The following CNBD2 variants were observed in gnomAD, a reference collection of about 807,000 sequenced individuals.
CNBD2 encodes cyclic nucleotide-binding domain-containing protein 2.
Under a neutral mutation model 63.7 loss-of-function variants are expected in CNBD2, and 64 were observed. The ratio of observed to expected loss-of-function variants is 1.00; its 90% CI spans 0.82 to 1.24. The LOEUF is 1.24. CNBD2 is among the 50% of genes most tolerant of loss of function. The probability of loss-of-function intolerance (pLI) is 0.00; values close to 1 mark genes in which losing one functional copy is unlikely to be tolerated. For missense variants in CNBD2, 691 were observed against 713.5 expected, an observed-to-expected ratio of 0.97 and a Z score of 0.36; for synonymous variants, 229 against 255.4, an observed-to-expected ratio of 0.90 and a Z score of 0.99.
intron 8 of CNBD2, among the ~76,000 whole-genome samples, chr20:36,001,770 C>T (rs1156275399): frequency 3.4e-5 from 5 of 146,130 alleles, no homozygotes; most frequent in African/African-American, 1.3e-4. Flanking sequence ...GGTGGCGGGG[C>T]AGAGGCGCTC....
upstream of CNBD2, among the ~76,000 whole-genome samples, chr20:35,966,423 G>C (rs1040493909): frequency 1.3e-5 from 2 of 152,140 alleles, no homozygotes; most frequent in African/African-American, 4.8e-5. Context: ...TATACCCCAC[G>C]GGATAGGAAT....
chr20:36,004,318 G>A (rs1188719488), intron 8 of CNBD2, among the ~76,000 whole-genome samples: 4 of 152,084 alleles, frequency 2.6e-5, no homozygotes, highest in African/African-American at 9.7e-5. Context: ...GCAGATCTTT[G>A]GAGTTCTGTC....
downstream of CNBD2, among the ~76,000 whole-genome samples, chr20:35,960,281 GGCCCAGCAAT>G (rs112954775): frequency 0.064 from 9,775 of 152,170 alleles, 515 homozygotes; most frequent in African/African-American, 0.15. Context: ...TAGAATCCAG[GGCCCAGCAAT>G]GAATGAGAAT....
At chr20:35,964,107 ACCT>A (rs774532108), upstream of CNBD2, among the ~76,000 whole-genome samples, 4 of 151,000 alleles carry the variant, frequency 2.6e-5, no homozygotes, top group South Asian at 2.1e-4. Context: ...TCATAACCAC[ACCT>A]CCTGAGCATC....
At chr20:36,013,986 C>G (rs988227150) in intron 10 of CNBD2, among the ~76,000 whole-genome samples, 1 of 151,946 alleles carries the variant, frequency 6.6e-6, no homozygotes, top group Non-Finnish European at 1.5e-5. Flanking sequence ...TCGAGACCAT[C>G]CTGGCTAACA....
chr20:35,984,887 C>A, intron 6 of CNBD2, 109 bp downstream of exon 6: 2 of 1,156,364 alleles, frequency 1.7e-6, no homozygotes, highest in Non-Finnish European at 2.5e-6. Context: ...TTCTCTCTGT[C>A]TGGGATGCTC....
In CNBD2 at chr20:36,003,122, T is replaced by G. The variant is rs1275488861; in HGVS notation, c.971-5175T>G. 5.3e-5 allele frequency among the ~76,000 whole-genome samples: 8 copies of G among 152,264 alleles called. No individual in the cohort carries two copies. In the East Asian group the frequency reaches 1.5e-3, roughly 29 times the overall value. On this transcript the variant is annotated intron_variant, in intron 8 of 11. Transcript: ENST00000373973. ...TTTTAGACATTTTAGTTTTTATATCTCAAAGTTTGATTTGGGTCTTTTTAT... is the reference window on the plus strand; with the variant it reads ...TTTTAGACATTTTAGTTTTTATATCGCAAAGTTTGATTTGGGTCTTTTTAT...
At chr20:36,024,916 C>A (rs2057265415) in intron 11 of CNBD2, among the ~76,000 whole-genome samples, 1 of 152,084 alleles carries the variant, frequency 6.6e-6, no homozygotes, top group South Asian at 2.1e-4. Flanking sequence ...GCCTGGGCAA[C>A]AAGGGCGAAA....
chr20:35,976,581 C>T (rs1169821316), intron 3 of CNBD2, among the ~76,000 whole-genome samples: 1 of 152,064 alleles, frequency 6.6e-6, no homozygotes, highest in Non-Finnish European at 1.5e-5. Flanking sequence ...TAGAGCGAGG[C>T]CCCCTCTCTA....
intron 10 of CNBD2, among the ~76,000 whole-genome samples, chr20:36,017,838 C>T (rs1439170623): frequency 6.6e-6 from 1 of 152,228 alleles, no homozygotes; most frequent in African/African-American, 2.4e-5. Context: ...GCCTGCCCCA[C>T]CTCTGCGCCC....
At chr20:36,002,190 C>T (rs2056921545) in intron 8 of CNBD2, among the ~76,000 whole-genome samples, 3 of 152,228 alleles carry the variant, frequency 2.0e-5, no homozygotes, top group Non-Finnish European at 2.9e-5. Context: ...CGGTTAGGAG[C>T]TGGAGACCAG....
At chr20:35,980,433 G>C (rs1474238356) in intron 3 of CNBD2, 26 bp from the exon 4 acceptor site, 3 of 1,613,086 alleles carry the variant, frequency 1.9e-6, no homozygotes, top group Non-Finnish European at 2.5e-6. Context: ...TGGGTCCCCT[G>C]TATCACTCTG....
chr20:35,994,932 TA>T, intron 7 of CNBD2, 105 bp from the exon 8 acceptor site: 1 of 741,066 alleles, frequency 1.3e-6, no homozygotes, highest in Non-Finnish European at 2.3e-6. Context: ...ATTAAGCAAA[TA>T]AAACAAAATG....
chr20:35,969,389 T>C (rs923626030), intron 1 of CNBD2, among the ~76,000 whole-genome samples: 4 of 152,198 alleles, frequency 2.6e-5, no homozygotes, highest in Admixed American at 6.5e-5. Flanking sequence ...TCCATAGATA[T>C]CTAATTTTTA....
rs770553150 is a variant in CNBD2, at chr20:35,972,693, GC to G, written c.118del (p.Leu40SerfsTer103). ...MIRVCKMFRQ[G>X]LRGFREYQII... ...CGAGTGTGTAAAATGTTCCGCCAAG[GC>G]CTCAGGGGATTCCGGGAATATCAAA... On this transcript the variant is annotated frameshift_variant, in exon 2 of 12. Transcript: ENST00000373973. LOFTEE classifies it high-confidence loss of function. The G allele has an allele frequency of 1.9e-5, 30 of 1,613,894 alleles. No homozygotes were observed. In the African/African-American group the frequency reaches 3.7e-4, roughly 20 times the overall value.
chr20:35,971,376 G>A (rs986584365), intron 1 of CNBD2, among the ~76,000 whole-genome samples: 1 of 151,904 alleles, frequency 6.6e-6, no homozygotes, highest in Admixed American at 6.6e-5. Context: ...TAAGAAAATC[G>A]GCACTGATTT....
At chr20:35,993,606 T>A (rs1226328324) in intron 7 of CNBD2, among the ~76,000 whole-genome samples, 5 of 152,204 alleles carry the variant, frequency 3.3e-5, no homozygotes, top group Non-Finnish European at 2.9e-5. Context: ...AATTCGTTGA[T>A]GAAAAATTGT....
upstream of CNBD2, chr20:35,954,540 G>A (rs896916941): frequency 2.7e-6 from 4 of 1,508,852 alleles, no homozygotes; most frequent in African/African-American, 4.1e-5. Context: ...AGCCGCTTGC[G>A]GGCTCCCGGA....
At chr20:36,017,578 A>T (rs894471869) in intron 10 of CNBD2, among the ~76,000 whole-genome samples, 31 of 152,234 alleles carry the variant, frequency 2.0e-4, no homozygotes, top group African/African-American at 6.7e-4. Flanking sequence ...ACAACTTTAA[A>T]CTAGCTCCTC....
Sources: gnomAD v4.1 joint callset for allele counts (sites outside exome capture counted in the v4.1 genomes callset) on GRCh38, gnomAD v4.1.1 for gene constraint, MANE v1.5 for transcripts, NCBI Gene and HGNC (gene_info 2026-07-23, HGNC 2026-07-21) for gene names.